The following CNTNAP3 variants were observed in gnomAD, a reference collection of about 807,000 sequenced individuals.
CNTNAP3 encodes the protein contactin-associated protein-like 3.
In CNTNAP3, 36 loss-of-function variants were observed where a neutral mutation model predicts 92.1. The observed-to-expected ratio is 0.39, with a 90% confidence interval of 0.30 to 0.52. The LOEUF (loss-of-function observed/expected upper bound fraction) is 0.52. Ranked by LOEUF, CNTNAP3 falls within the 20% of genes least tolerant of loss-of-function variation. The pLI is 0.76. For missense variants in CNTNAP3, 534 were observed against 1,069.6 expected, an observed-to-expected ratio of 0.50 and a Z score of 6.98; for synonymous variants, 232 against 422.3, an observed-to-expected ratio of 0.55 and a Z score of 5.53.
chr9:39,110,050 T>C (rs1290532833), intron 14 of CNTNAP3, among the ~76,000 whole-genome samples: 1 of 152,128 alleles, frequency 6.6e-6, no homozygotes. Context: ...AAGTAATACA[T>C]AGACTAATGA....
chr9:39,179,492 T>C (rs573662153), intron 4 of CNTNAP3, among the ~76,000 whole-genome samples: 1 of 14,428 alleles, frequency 6.9e-5, no homozygotes, highest in African/African-American at 3.7e-4. Context: ...AGAACTCCAA[T>C]GCTGCCACAC....
At position 39,066,660 on chromosome 9, in the gene CNTNAP3, T is replaced by C. The variant is rs1206514238; in HGVS notation, c.*7230A>G. On this transcript the variant is annotated 3_prime_UTR_variant, in exon 24 of 24. Transcript: ENST00000297668. ...AGGAGAGAGAGTTTTCTGCTTTTGG[T>C]TGGAAGATGTTTCACTGGAAGCATG... 1.3e-5 allele frequency among the ~76,000 whole-genome samples: 2 copies of C among 152,312 alleles called. No homozygotes were observed. Among genetic ancestry groups the C allele is most frequent in the Non-Finnish European group, 2.9e-5 (2 of 68,058 alleles).
intron 11 of CNTNAP3, among the ~76,000 whole-genome samples, chr9:39,142,976 ATC>A (rs1821612901): frequency 6.6e-6 from 1 of 152,032 alleles, no homozygotes; most frequent in Non-Finnish European, 1.5e-5. Context: ...AGGACTTTGC[ATC>A]TCTGTTTCCT....
chr9:39,080,540 C>T, intron 21 of CNTNAP3, among the ~76,000 whole-genome samples: 1 of 137,968 alleles, frequency 7.2e-6, no homozygotes. Context: ...TTGCCATAGT[C>T]CTGAATAAAG....
chr9:39,141,488 T>C (rs1821574565), intron 11 of CNTNAP3, among the ~76,000 whole-genome samples: 1 of 152,294 alleles, frequency 6.6e-6, no homozygotes, highest in South Asian at 2.1e-4. Flanking sequence ...TCAAGACAGC[T>C]GAAATTCAAA....
chr9:39,077,374 G>C (rs1296266263), intron 23 of CNTNAP3, among the ~76,000 whole-genome samples: 7 of 151,698 alleles, frequency 4.6e-5, no homozygotes, highest in African/African-American at 1.7e-4. Flanking sequence ...CTGGCTAACA[G>C]GGTGAAACCC....
intron 18 of CNTNAP3, among the ~76,000 whole-genome samples, chr9:39,090,000 C>T (rs1008053562): frequency 1.9e-4 from 29 of 152,060 alleles, no homozygotes; most frequent in Admixed American, 9.8e-4. Flanking sequence ...AGTGCAGTGG[C>T]GTGATCTCTG....
intron 18 of CNTNAP3, among the ~76,000 whole-genome samples, chr9:39,091,439 G>A (rs1826198821): frequency 6.6e-6 from 1 of 152,110 alleles, no homozygotes; most frequent in Non-Finnish European, 1.5e-5. Context: ...TGACTTTTCT[G>A]CATCAGTAGA....
At chr9:39,079,116 T>G (rs951543115) in intron 21 of CNTNAP3, among the ~76,000 whole-genome samples, 196 bp from the exon 22 acceptor site, 5 of 152,116 alleles carry the variant, frequency 3.3e-5, no homozygotes, top group African/African-American at 1.2e-4. Context: ...GTCAGGGTTA[T>G]GAAAGGCAGG....
At chr9:39,154,061 GA>G (rs4057163) in intron 9 of CNTNAP3, 2,210 of 117,788 alleles carry the variant, frequency 0.019, no homozygotes, top group South Asian at 0.045. Context: ...ACATTAAATA[GA>G]AAAAAAAAAA....
chr9:39,092,401 T>C (rs7872827), intron 18 of CNTNAP3, among the ~76,000 whole-genome samples: 2,379 of 136,460 alleles, frequency 0.017, 262 homozygotes, highest in African/African-American at 0.061. Flanking sequence ...AAATTCCCTC[T>C]AAACCCTGCT....
chr9:39,133,270 G>T, intron 12 of CNTNAP3, 135 bp from the exon 13 acceptor site: 5 of 1,177,354 alleles, frequency 4.2e-6, no homozygotes, highest in Non-Finnish European at 6.0e-6. Context: ...GCGATTTGAG[G>T]AGTTGGACCT....
At chr9:39,145,424 C>A (rs1484430116) in intron 10 of CNTNAP3, among the ~76,000 whole-genome samples, 3 of 143,758 alleles carry the variant, frequency 2.1e-5, no homozygotes, top group Non-Finnish European at 4.7e-5. Flanking sequence ...GTGCCCCTCA[C>A]CATGGGACCC....
chr9:39,168,480 T>C (rs761050054), intron 8 of CNTNAP3, among the ~76,000 whole-genome samples: 3 of 79,182 alleles, frequency 3.8e-5, no homozygotes, highest in Non-Finnish European at 7.6e-5. Flanking sequence ...TTTTACATTA[T>C]ACACAAAATC....
intron 13 of CNTNAP3, among the ~76,000 whole-genome samples, chr9:39,122,732 A>G (rs941341208): frequency 3.3e-5 from 5 of 152,234 alleles, no homozygotes; most frequent in Admixed American, 3.3e-4. Flanking sequence ...GCCAAACAAT[A>G]CAGTCTTATG....
At position 39,067,355 on chromosome 9, in the gene CNTNAP3, G is replaced by T. The variant is rs1242611222; in HGVS notation, c.*6535C>A. ...TATTTTTCTGCCTCTTCACACACTTGGTAATTTTTTATTGTATACCAGACA... is the reference window on the plus strand; with the variant it reads ...TATTTTTCTGCCTCTTCACACACTTTGTAATTTTTTATTGTATACCAGACA... On this transcript the variant is annotated 3_prime_UTR_variant, in exon 24 of 24. Coordinates refer to ENST00000297668, the MANE Select transcript of CNTNAP3 (RefSeq NM_033655.5). Among the ~76,000 whole-genome samples, 4 of 152,404 alleles carry T rather than the reference G, an allele frequency of 2.6e-5. No individual in the cohort carries two copies. Among genetic ancestry groups the T allele is most frequent in the African/African-American group, 9.6e-5 (4 of 41,592 alleles).
chr9:39,140,378 C>T, intron 12 of CNTNAP3, 141 bp downstream of exon 12: 1 of 1,353,372 alleles, frequency 7.4e-7, no homozygotes, highest in Non-Finnish European at 9.8e-7. Flanking sequence ...ATTTTGTTGA[C>T]AACAAAATTA....
chr9:39,084,870 G>A (rs374982607), intron 21 of CNTNAP3: 1 of 151,492 alleles, frequency 6.6e-6, no homozygotes, highest in East Asian at 1.9e-4. Context: ...AATTGCTTCT[G>A]AGTATATACT....
chr9:39,121,444 G>A (rs7862105), intron 13 of CNTNAP3, among the ~76,000 whole-genome samples: 145,391 of 146,118 alleles, frequency 1, 72,332 homozygotes, highest in South Asian at 1. Flanking sequence ...GGAAGTCATC[G>A]CTCCCATTCT....
Sources: allele counts gnomAD v4.1 joint callset (sites outside exome capture counted in the v4.1 genomes callset), GRCh38; gene constraint gnomAD v4.1.1; transcripts MANE v1.5; gene names NCBI Gene and HGNC (gene_info 2026-07-23, HGNC 2026-07-21).